The following TRIM36 variants were observed in gnomAD, a reference collection of about 807,000 sequenced individuals.
TRIM36 encodes tripartite motif containing 36.
TRIM36 carries 42 observed loss-of-function variants against 72.4 expected under a neutral mutation model. The ratio of observed to expected loss-of-function variants is 0.58; its 90% CI spans 0.45 to 0.75. The LOEUF is 0.75. Ranked by LOEUF, TRIM36 falls within the 30% of genes least tolerant of loss-of-function variation. TRIM36 has a pLI of 0.00. For missense variants in TRIM36, 913 were observed against 857.1 expected (o/e 1.07, Z -0.81); for synonymous variants, 315 against 282.8 (o/e 1.11, Z -1.14).
At chr5:115,155,349 C>T (rs147754255) in intron 2 of TRIM36, among the ~76,000 whole-genome samples, 266 of 152,154 alleles carry the variant, frequency 1.7e-3, no homozygotes, top group African/African-American at 6.3e-3. Context: ...AACTCCGTCT[C>T]AAAAATAAAA....
intron 1 of TRIM36, among the ~76,000 whole-genome samples, chr5:115,179,577 G>C (rs1755515204): frequency 6.6e-6 from 1 of 152,212 alleles, no homozygotes; most frequent in Non-Finnish European, 1.5e-5. Context: ...TCCACGCTCC[G>C]CGCCCAGGCA....
chr5:115,142,589 C>T (rs1268391255), intron 4 of TRIM36, among the ~76,000 whole-genome samples: 2 of 152,112 alleles, frequency 1.3e-5, no homozygotes, highest in Non-Finnish European at 2.9e-5. Context: ...AAGTATCTGG[C>T]CAACTATACG....
chr5:115,171,035 G>C (rs1313741354), upstream of TRIM36: 3 of 1,606,332 alleles, frequency 1.9e-6, no homozygotes, highest in African/African-American at 2.7e-5. Flanking sequence ...TATGTATTAG[G>C]CTTTAAGAAC....
At position 115,141,339 on chromosome 5, in the gene TRIM36, A is replaced by G; in HGVS notation, c.771T>C (p.Gly257=). 6.2e-7 allele frequency: 1 copy of G among 1,604,564 alleles called. No individual in the cohort carries two copies. The change falls in exon 5 of 10, where the codon GGT becomes GGC. Residue 257 remains glycine, a synonymous_variant. Coordinates refer to ENST00000513154, the MANE Select transcript of TRIM36 (RefSeq NM_001300759.2). The part of the protein sequence containing the change: ...KLSKDIDYLI[G]KESQVKSQIS... ...TTTGACTCTTCACCTGGCTTTCCTTACCAATAAGGTAATCAATATCCTTTG... is the reference window on the plus strand; with the variant it reads ...TTTGACTCTTCACCTGGCTTTCCTTGCCAATAAGGTAATCAATATCCTTTG...
At chr5:115,138,092 T>A (rs139542361) in intron 5 of TRIM36, among the ~76,000 whole-genome samples, 1 of 152,182 alleles carries the variant, frequency 6.6e-6, no homozygotes, top group African/African-American at 2.4e-5. Context: ...TACTCCAACT[T>A]TTTAAAAAGT....
At chr5:115,165,133 C>T (rs558658150) in intron 1 of TRIM36, among the ~76,000 whole-genome samples, 1 of 152,350 alleles carries the variant, frequency 6.6e-6, no homozygotes, top group Non-Finnish European at 1.5e-5. Flanking sequence ...ACAGCCCACA[C>T]ACCACCTGCT....
chr5:115,144,703 C>T lies in TRIM36; in HGVS notation c.630G>A (p.Met210Ile). Residue 210 changes from methionine (M) to isoleucine (I), a missense_variant, in exon 4 of 10, where the codon ATG (methionine) becomes ATA (isoleucine). By Grantham distance (10) the Met-to-Ile change is conservative. Transcript: ENST00000513154. ...CTGGCCTCCTACATAATTCACAGTA[C>T]ATGTTTATTCTCTCTGTTTCATGTT... ...CPEHETERINMYCELCRRPVC... is the reference protein window; with the variant it reads ...CPEHETERINIYCELCRRPVC... The T allele has an allele frequency of 6.2e-7, 1 of 1,614,048 alleles. No individual in the cohort carries two copies. Among genetic ancestry groups the T allele is most frequent in the Non-Finnish European group, 8.5e-7 (1 of 1,179,998 alleles).
At chr5:115,150,632 A>G (rs1368678061) in intron 2 of TRIM36, among the ~76,000 whole-genome samples, 1 of 152,232 alleles carries the variant, frequency 6.6e-6, no homozygotes, top group Non-Finnish European at 1.5e-5. Context: ...CTACAGAAAT[A>G]GGAAAGCTGA....
intron 9 of TRIM36, among the ~76,000 whole-genome samples, chr5:115,128,621 G>A (rs866295041): frequency 3.4e-5 from 5 of 147,476 alleles, no homozygotes; most frequent in Non-Finnish European, 6.0e-5. Context: ...GCGCGGTGGC[G>A]GGCGCCTGTA....
chr5:115,133,612 TCTTC>T (rs1177937550), intron 8 of TRIM36, among the ~76,000 whole-genome samples: 2 of 152,198 alleles, frequency 1.3e-5, no homozygotes, highest in South Asian at 2.1e-4. Flanking sequence ...CACCCAAATT[TCTTC>T]CTTCCATGTT....
Position 115,134,124 on chromosome 5 carries a change from C to G in TRIM36, c.1234G>C (p.Glu412Gln), listed in dbSNP as rs893227152. Residue 412 changes from glutamate (E) to glutamine (Q), a missense_variant, in exon 8 of 10, where the codon GAG becomes CAG. Glu to Gln is a conservative substitution (Grantham distance 29, BLOSUM62 2). Coordinates refer to ENST00000513154, the MANE Select transcript of TRIM36 (RefSeq NM_001300759.2). ...SSGIDVPEIN[E>Q]EQSKVYNNAL... is the part of the protein sequence containing the mutation. Reference sequence around the variant, plus strand: ...TTGTTATAAACTTTGCTCTGTTCCTCATTGATCTCTGGCACGTCTATGCCT... The same window carrying G: ...TTGTTATAAACTTTGCTCTGTTCCTGATTGATCTCTGGCACGTCTATGCCT... 6.3e-7 allele frequency: 1 copy of G among 1,599,158 alleles called. No individual in the cohort carries two copies. The highest frequency in any genetic ancestry group is 8.5e-7 in the Non-Finnish European group (1 of 1,172,398).
chr5:115,137,121 T>C lies in TRIM36; in HGVS notation c.1089A>G (p.Ile363Met), dbSNP rs767587520. The C allele has an allele frequency of 2.5e-6, 4 of 1,586,110 alleles. No homozygotes were observed. In the South Asian group the frequency reaches 3.5e-5, roughly 14 times the overall value. The part of the protein sequence containing the change: ...VQTAKQLHLR[I>M]QKATESLKSF... ...TCTTCAAAGATTCTGTGGCTTTCTG[T>C]ATTCTGCAGACAGATATTTTATATA... is the stretch of plus-strand genomic sequence containing the variant. Residue 363 changes from isoleucine (I) to methionine (M), a missense_variant, in exon 7 of 10, where the codon ATA becomes ATG. Transcript: ENST00000513154.
Position 115,126,828 on chromosome 5 carries a change from C to T in TRIM36, c.1826G>A (p.Gly609Glu). The T allele has an allele frequency of 6.2e-7, 1 of 1,613,742 alleles. No individual in the cohort carries two copies. The highest frequency in any genetic ancestry group is 1.7e-5 in the Admixed American group (1 of 60,010). ...AGAATCAAAACAGGCATCCTCACTT[C>T]CACTGTCATGCCCACTGTCTTGCTC... Reference protein sequence around the residue: ...RYEQDSGHDSGSEDACFDSSQ... With the variant: ...RYEQDSGHDSESEDACFDSSQ... The change falls in exon 10 of 10, where the codon GGA becomes GAA. Residue 609 changes from glycine to glutamate, a missense_variant. Transcript: ENST00000513154.
intron 1 of TRIM36, among the ~76,000 whole-genome samples, chr5:115,167,729 C>T (rs1051148730): frequency 6.6e-6 from 1 of 152,350 alleles, no homozygotes. Context: ...GCCCTCCAAA[C>T]TGTTCCAATC....
At chr5:115,171,907 A>G (rs1406900275), upstream of TRIM36, among the ~76,000 whole-genome samples, 1 of 152,204 alleles carries the variant, frequency 6.6e-6, no homozygotes. Context: ...GCAACTATCT[A>G]TTCATCCTTC....
At position 115,125,871 on chromosome 5, in the gene TRIM36, C is replaced by G. The variant is rs1752338643; in HGVS notation, c.*632G>C. The stretch of plus-strand genomic sequence containing the variant: ...TGGCTAAGCAGACTCTTAAAATGTC[C>G]TTAGCAATACAGTTTGTGGTCTTAA... On this transcript the variant is annotated 3_prime_UTR_variant, in exon 10 of 10. Transcript: ENST00000513154. 6.6e-6 allele frequency: 1 copy of G among 152,098 alleles called. No homozygotes were observed. Among genetic ancestry groups the G allele is most frequent in the South Asian group, 2.1e-4 (1 of 4,822 alleles). 9.4% of individuals were successfully genotyped at this position (152,098 alleles called of 1,614,324 possible).
intron 2 of TRIM36, among the ~76,000 whole-genome samples, chr5:115,147,703 C>T (rs3936303): frequency 1.3e-5 from 2 of 151,882 alleles, no homozygotes; most frequent in African/African-American, 4.8e-5. Context: ...TACTACATGG[C>T]GTTAAGATCT....
chr5:115,138,263 CT>C (rs1189372589), intron 5 of TRIM36, among the ~76,000 whole-genome samples: 2 of 152,210 alleles, frequency 1.3e-5, no homozygotes, highest in South Asian at 2.1e-4. Flanking sequence ...CCACGCCCAG[CT>C]TTTTTTCAAT....
At chr5:115,128,230 G>A (rs374373069) in intron 9 of TRIM36, among the ~76,000 whole-genome samples, 9 of 151,904 alleles carry the variant, frequency 5.9e-5, no homozygotes, top group African/African-American at 1.9e-4. Flanking sequence ...TTAGCTGGGT[G>A]TGGTGGCGCA....
Sources: allele counts gnomAD v4.1 joint callset (sites outside exome capture counted in the v4.1 genomes callset), GRCh38; gene constraint gnomAD v4.1.1; transcripts MANE v1.5; gene names NCBI Gene and HGNC (gene_info 2026-07-23, HGNC 2026-07-21).